ADAR: variants seen among roughly 807,000 people sequenced by gnomAD.
The protein encoded by ADAR is adenosine deaminase RNA specific, also known as double-stranded RNA-specific adenosine deaminase.
Under a neutral mutation model 113.2 loss-of-function variants are expected in ADAR, and 41 were observed. The observed-to-expected ratio is 0.36, with a 90% CI of 0.28 to 0.47. ADAR has a LOEUF of 0.47. Ranked by LOEUF, ADAR falls within the 20% of genes least tolerant of loss-of-function variation. The probability of loss-of-function intolerance (pLI) is 1.00; values close to 1 mark genes in which losing one functional copy is unlikely to be tolerated. For missense variants in ADAR, 1,242 were observed against 1,540.9 expected (o/e 0.81, Z 3.25); for synonymous variants, 605 against 572.6 (o/e 1.06, Z -0.81).
chr1:154,627,583 T>C (rs777052308), intron 1 of ADAR, among the ~76,000 whole-genome samples: 18 of 152,184 alleles, frequency 1.2e-4, no homozygotes, highest in Admixed American at 2.6e-4. Flanking sequence ...GGAGCATCCG[T>C]GCGCAGCCTC....
At chr1:154,607,751 A>T (rs563673283) in intron 1 of ADAR, among the ~76,000 whole-genome samples, 80 of 148,988 alleles carry the variant, frequency 5.4e-4, no homozygotes, top group Non-Finnish European at 9.5e-4. Context: ...ACACACACAC[A>T]CTCTCACAAG....
At chr1:154,586,157 C>T (rs1412690417) in intron 12 of ADAR, 24 bp downstream of exon 12, 3 of 1,613,786 alleles carry the variant, frequency 1.9e-6, no homozygotes, top group South Asian at 1.1e-5. Context: ...AGACCAGTTC[C>T]AGATCCCAAG....
chr1:154,627,966 A>C (rs965815348), exon 1 of ADAR: 1 of 506,610 alleles, frequency 2.0e-6, no homozygotes, highest in Non-Finnish European at 3.9e-6. Context: ...TCAGTCGGGA[A>C]TCAATGGTCT....
rs771271502 is a variant in ADAR, at chr1:154,584,061, C to T, written c.*745G>A. 6.6e-6 allele frequency: 1 copy of T among 152,300 alleles called. No homozygotes were observed. The highest frequency in any genetic ancestry group is 1.5e-5 in the Non-Finnish European group (1 of 68,108). The allele number at this position is 152,300 out of a possible 1,614,324, so 9.4% of individuals were successfully genotyped here. On this transcript the variant is annotated 3_prime_UTR_variant, in exon 15 of 15. Transcript: ENST00000368474. Reference sequence around the variant, plus strand: ...CCTCTGCTATTGCTTGAGCAGCTCCCTTAACCCAGTCTGGCTGGTTCTAGA... The same window carrying T: ...CCTCTGCTATTGCTTGAGCAGCTCCTTTAACCCAGTCTGGCTGGTTCTAGA...
In ADAR at chr1:154,601,902, G is replaced by A. The variant is rs1557887708; in HGVS notation, c.740C>T (p.Ala247Val). ...VSEDLLEPFI[A>V]VSAQAWNQHS... ...CTGGTTCCAAGCCTGAGCTGAGACT[G>A]CAATAAAAGGCTCAAGAAGATCTTC... Residue 247 changes from alanine to valine, a missense_variant, in exon 2 of 15, where the codon GCA becomes GTA. Physicochemically the swap from Ala to Val is moderately conservative, Grantham distance 64 (BLOSUM62 0). This residue lies in a region of ADAR where 462 missense variants were observed against 483.1 expected (regional missense o/e 0.96). Transcript: ENST00000368474. The surrounding 1 kb of genome is among the most constrained non-coding windows in gnomAD (Gnocchi z 4.7). 6.2e-7 allele frequency: 1 copy of A among 1,613,876 alleles called. No homozygotes were observed. Among genetic ancestry groups the A allele is most frequent in the East Asian group, 2.2e-5 (1 of 44,864 alleles).
chr1:154,616,205 T>G (rs1254434523), intron 1 of ADAR, among the ~76,000 whole-genome samples: 2 of 152,262 alleles, frequency 1.3e-5, no homozygotes, highest in East Asian at 3.8e-4. Context: ...GTGATACATA[T>G]ATGCTGCAGG....
chr1:154,585,447 G>A, intron 13 of ADAR, 103 bp from the exon 14 acceptor site: 1 of 1,544,468 alleles, frequency 6.5e-7, no homozygotes, highest in Non-Finnish European at 8.9e-7. Flanking sequence ...GTGGGGTCAT[G>A]ATCTTTCCCC....
chr1:154,609,215 C>T (rs1366226424), upstream of ADAR, among the ~76,000 whole-genome samples: 1 of 152,176 alleles, frequency 6.6e-6, no homozygotes, highest in Non-Finnish European at 1.5e-5. Flanking sequence ...TACACCATTA[C>T]TTTCAAAAAG....
Position 154,589,826 on chromosome 1 carries a change from T to C in ADAR, c.2599A>G (p.Lys867Glu). Residue 867 changes from lysine to glutamate, a missense_variant, in exon 8 of 15, where the codon AAG (lysine) becomes GAG (glutamate). This residue lies in a region of ADAR where 780 missense variants were observed against 1,057.9 expected (regional missense o/e 0.74). Coordinates refer to ENST00000368474, the MANE Select transcript of ADAR (RefSeq NM_001111.5). ...TTCATAATGATGGCGGCCAGAATCT[T>C]GCGGCCGAGCAAGGAGGGCTGGAAG... ...NSFQPSLLGR[K>E]ILAAIIMKKD... 6.2e-7 allele frequency: 1 copy of C among 1,613,982 alleles called. No homozygotes were observed. The highest frequency in any genetic ancestry group is 8.5e-7 in the Non-Finnish European group (1 of 1,179,994).
At chr1:154,588,010 A>G in intron 11 of ADAR, 115 bp downstream of exon 11, 2 of 1,505,366 alleles carry the variant, frequency 1.3e-6, no homozygotes, top group Non-Finnish European at 1.8e-6. Context: ...TCCTGTAAAC[A>G]GCACCTCTGT....
At chr1:154,611,848 T>C (rs984056211), upstream of ADAR, among the ~76,000 whole-genome samples, 4 of 152,244 alleles carry the variant, frequency 2.6e-5, no homozygotes, top group African/African-American at 9.6e-5. Flanking sequence ...AAACTCAGTA[T>C]TCTCAGAAGT....
chr1:154,590,138 A>AGGGGGGGGGGGGGGGGGGGGGGGGGG, intron 7 of ADAR, 46 bp downstream of exon 7: 9 of 1,173,768 alleles, frequency 7.7e-6, no homozygotes, highest in East Asian at 5.1e-5. Flanking sequence ...AGGAGTTAGG[A>AGGGGGGGGGGGGGGGGGGGGGGGGGG]GGACCCCCCC....
intron 8 of ADAR, 144 bp from the exon 9 acceptor site, chr1:154,589,606 C>T: frequency 5.8e-6 from 7 of 1,215,470 alleles, no homozygotes; most frequent in Non-Finnish European, 8.4e-6. Flanking sequence ...CCTCTAGGAA[C>T]TAAGAACTCA....
At chr1:154,592,094 T>TA (rs1697185910) in intron 6 of ADAR, among the ~76,000 whole-genome samples, 1 of 152,228 alleles carries the variant, frequency 6.6e-6, no homozygotes, top group Non-Finnish European at 1.5e-5. Flanking sequence ...AGAGCTGTGC[T>TA]ATCCAATATG....
chr1:154,601,730 G>C lies in ADAR; in HGVS notation c.912C>G (p.Cys304Trp). Residue 304 changes from cysteine to tryptophan, a missense_variant, in exon 2 of 15, where the codon TGC becomes TGG. Physicochemically the swap from Cys to Trp is radical, Grantham distance 215. Coordinates refer to ENST00000368474, the MANE Select transcript of ADAR (RefSeq NM_001111.5). This position sits in a 1 kb window ranked among gnomAD's most constrained non-coding sequence, Gnocchi z 4.7. ...LDMAEIKEKI[C>W]DYLFNVSDSS... ...AGTCAGACACATTGAAGAGATAGTC[G>C]CAGATTTTCTCCTTGATCTCGGCCA... 6.2e-7 allele frequency: 1 copy of C among 1,614,186 alleles called. No individual in the cohort carries two copies. The highest frequency in any genetic ancestry group is 8.5e-7 in the Non-Finnish European group (1 of 1,180,032).
chr1:154,608,136 G>A lies in ADAR; in HGVS notation c.-130C>T. The stretch of plus-strand genomic sequence containing the variant: ...CACTGGAAGTGGCCCCGGGGCGTCG[G>A]CACGGGAAACTCCGCGGGTCTGCGC... On this transcript the variant is annotated 5_prime_UTR_variant, in exon 1 of 15. Coordinates refer to ENST00000368474, the MANE Select transcript of ADAR (RefSeq NM_001111.5). The A allele has an allele frequency of 8.1e-7, 1 of 1,238,962 alleles. No individual in the cohort carries two copies. The highest frequency in any genetic ancestry group is 1.1e-6 in the Non-Finnish European group (1 of 934,776). 76.7% of individuals were successfully genotyped at this position (1,238,962 alleles called of 1,614,324 possible).
At chr1:154,596,079 T>A (rs190058774) in intron 6 of ADAR, among the ~76,000 whole-genome samples, 12 of 152,276 alleles carry the variant, frequency 7.9e-5, no homozygotes, top group Non-Finnish European at 1.2e-4. Context: ...CCATCTAGGT[T>A]TATGTAAATA....
In ADAR at chr1:154,584,022, C is replaced by G. The variant is rs1290022638; in HGVS notation, c.*784G>C. 4 of 152,240 alleles carry G rather than the reference C, an allele frequency of 2.6e-5. No individual in the cohort carries two copies. Among genetic ancestry groups the G allele is most frequent in the Non-Finnish European group, 5.9e-5 (4 of 68,060 alleles). 9.4% of individuals were successfully genotyped at this position (152,240 alleles called of 1,614,324 possible). On this transcript the variant is annotated 3_prime_UTR_variant, in exon 15 of 15. Coordinates refer to ENST00000368474, the MANE Select transcript of ADAR (RefSeq NM_001111.5). ...CTCCCTGGGAAGTGGTCTGTGTCAT[C>G]CTGCCGGGTGAAACCTCTGCTATTG...
intron 13 of ADAR, 155 bp from the exon 14 acceptor site, chr1:154,585,499 G>T: frequency 1.9e-6 from 2 of 1,067,824 alleles, no homozygotes; most frequent in Non-Finnish European, 2.8e-6. Context: ...GCACCCTCTA[G>T]ACATACTAAC....
Sources: allele counts gnomAD v4.1 joint callset (sites outside exome capture counted in the v4.1 genomes callset), GRCh38; gene constraint gnomAD v4.1.1; regional missense constraint gnomAD v4.1.1; non-coding constraint Gnocchi (gnomAD v3.1); transcripts MANE v1.5; gene names NCBI Gene and HGNC (gene_info 2026-07-23, HGNC 2026-07-21).